Variants in TGFBR3 observed in about 807,000 individuals in gnomAD.
TGFBR3 encodes transforming growth factor beta receptor type 3.
In TGFBR3, 46 loss-of-function variants were observed where a neutral mutation model predicts 87.9. The observed-to-expected ratio is 0.52, with a 90% CI of 0.41 to 0.67. The LOEUF (loss-of-function observed/expected upper bound fraction) is 0.67, where lower values mean the gene tolerates loss of function less well. Among genes scored for constraint, TGFBR3 ranks in the 30% least tolerant of loss-of-function variants. The probability of loss-of-function intolerance (pLI) is 0.00; values close to 1 mark genes in which losing one functional copy is unlikely to be tolerated. For missense variants in TGFBR3, 866 were observed against 1,041.9 expected, an observed-to-expected ratio of 0.83 and a Z score of 2.32; for synonymous variants, 381 against 391.6, an observed-to-expected ratio of 0.97 and a Z score of 0.32.
chr1:91,701,689 C>T (rs1671624243), intron 14 of TGFBR3, among the ~76,000 whole-genome samples: 1 of 152,070 alleles, frequency 6.6e-6, no homozygotes, highest in African/African-American at 2.4e-5. Flanking sequence ...CAGCTTTTGG[C>T]CTTTAGTGCT....
chr1:91,901,707 G>A (rs1679723635), intron 1 of TGFBR3, among the ~76,000 whole-genome samples: 1 of 151,628 alleles, frequency 6.6e-6, no homozygotes. Context: ...TTGAGACCTG[G>A]GTTAAAGACC....
At chr1:91,860,196 A>C (rs1678126655) in intron 2 of TGFBR3, among the ~76,000 whole-genome samples, 1 of 152,366 alleles carries the variant, frequency 6.6e-6, no homozygotes, top group East Asian at 1.9e-4. Context: ...ATAAAATGCC[A>C]AATTAATTCT....
intron 3 of TGFBR3, among the ~76,000 whole-genome samples, chr1:91,785,845 G>A (rs1472188525): frequency 6.6e-6 from 1 of 150,462 alleles, no homozygotes; most frequent in East Asian, 2.0e-4. Context: ...GTGGTTCACT[G>A]CAGCCTCAAC....
intron 2 of TGFBR3, among the ~76,000 whole-genome samples, chr1:91,844,745 A>T (rs1677408738): frequency 6.6e-6 from 1 of 152,248 alleles, no homozygotes; most frequent in Non-Finnish European, 1.5e-5. Flanking sequence ...ATATACAAGT[A>T]GGTCTTGTTA....
intron 3 of TGFBR3, among the ~76,000 whole-genome samples, chr1:91,784,801 T>A (rs1674898351): frequency 6.6e-6 from 1 of 152,174 alleles, no homozygotes; most frequent in Non-Finnish European, 1.5e-5. Context: ...CACACACACT[T>A]TGAGAAGCCG....
At chr1:91,813,401 T>C (rs1228027182) in intron 2 of TGFBR3, among the ~76,000 whole-genome samples, 8 of 152,216 alleles carry the variant, frequency 5.3e-5, no homozygotes, top group Admixed American at 1.3e-4. Context: ...TAACTAGGTA[T>C]GACAAAGTTC....
At chr1:91,895,078 C>G (rs542466880) in intron 2 of TGFBR3, among the ~76,000 whole-genome samples, 1 of 152,118 alleles carries the variant, frequency 6.6e-6, no homozygotes, top group South Asian at 2.1e-4. Flanking sequence ...CTGAGACACT[C>G]TCTCTGAAGG....
chr1:91,804,056 G>A (rs1039485504), intron 2 of TGFBR3, among the ~76,000 whole-genome samples: 3 of 152,172 alleles, frequency 2.0e-5, no homozygotes, highest in Non-Finnish European at 4.4e-5. Flanking sequence ...GCTGAGAAAT[G>A]GGGAAGAACC....
intron 4 of TGFBR3, among the ~76,000 whole-genome samples, chr1:91,753,361 G>C (rs1006155267): frequency 3.7e-4 from 44 of 118,308 alleles, no homozygotes; most frequent in Admixed American, 1.3e-3. Context: ...CTGCACTCCA[G>C]CCTGAGTAAG....
chr1:91,755,155 A>T (rs538355106), intron 4 of TGFBR3: 1 of 152,304 alleles, frequency 6.6e-6, no homozygotes, highest in Non-Finnish European at 1.5e-5. Context: ...TATATAAAAT[A>T]ATTTAGTTAT....
chr1:91,858,653 A>T (rs1678060109), intron 2 of TGFBR3, among the ~76,000 whole-genome samples: 1 of 146,982 alleles, frequency 6.8e-6, no homozygotes, highest in Admixed American at 6.9e-5. Flanking sequence ...CCTCTTCTTC[A>T]TTCATTTGAT....
At chr1:91,859,295 C>T (rs916257232) in intron 2 of TGFBR3, among the ~76,000 whole-genome samples, 5 of 151,864 alleles carry the variant, frequency 3.3e-5, no homozygotes, top group South Asian at 4.2e-4. Context: ...TCAGTCTGAC[C>T]CAGGCATCAA....
intron 3 of TGFBR3, among the ~76,000 whole-genome samples, chr1:91,790,958 G>T (rs1675167696): frequency 6.6e-6 from 1 of 152,188 alleles, no homozygotes; most frequent in South Asian, 2.1e-4. Flanking sequence ...GGGAAAAAGA[G>T]AAAAGGTGTT....
At chr1:91,814,360 C>G (rs61781110) in intron 2 of TGFBR3, among the ~76,000 whole-genome samples, 13,880 of 152,162 alleles carry the variant, frequency 0.091, 787 homozygotes, top group Non-Finnish European at 0.13. Context: ...ATAATTTATC[C>G]TAGATTTCAA....
chr1:91,840,972 A>T (rs948137652), intron 2 of TGFBR3, among the ~76,000 whole-genome samples: 1 of 152,084 alleles, frequency 6.6e-6, no homozygotes, highest in Non-Finnish European at 1.5e-5. Context: ...CACCACACCC[A>T]GCTAATTTTT....
chr1:91,694,558 C>A (rs1311052579), intron 16 of TGFBR3, among the ~76,000 whole-genome samples: 2 of 152,214 alleles, frequency 1.3e-5, no homozygotes, highest in African/African-American at 4.8e-5. Context: ...TTATTCTCAA[C>A]AGCTTGACGT....
chr1:91,886,943 T>A (rs1401444818), upstream of TGFBR3, among the ~76,000 whole-genome samples: 2 of 152,234 alleles, frequency 1.3e-5, no homozygotes, highest in Admixed American at 1.3e-4. Context: ...TACCTGTGCC[T>A]GTGAAGTACA....
At chr1:91,808,944 T>G (rs776373248) in intron 2 of TGFBR3, among the ~76,000 whole-genome samples, 2 of 151,876 alleles carry the variant, frequency 1.3e-5, no homozygotes, top group Non-Finnish European at 2.9e-5. Context: ...GTTTGAAGGA[T>G]GGGAGAAAAT....
In TGFBR3 at chr1:91,712,224, T is replaced by C. The variant is rs1335391404; in HGVS notation, c.2166+19A>G. 3 of 1,612,482 alleles carry C rather than the reference T, an allele frequency of 1.9e-6. No homozygotes were observed. The highest frequency in any genetic ancestry group is 2.2e-5 in the East Asian group (1 of 44,776). On this transcript the variant is annotated intron_variant, in intron 13 of 16. Coordinates refer to ENST00000212355, the MANE Select transcript of TGFBR3 (RefSeq NM_003243.5). ...AAAAATGCCAAAATAACCATCCGAA[T>C]GGATGAAGGCCCACAAACCTTAGGC...
Sources: allele counts gnomAD v4.1 joint callset (sites outside exome capture counted in the v4.1 genomes callset), GRCh38; gene constraint gnomAD v4.1.1; transcripts MANE v1.5; gene names NCBI Gene and HGNC (gene_info 2026-07-23, HGNC 2026-07-21).